The following PLXNC1 variants were observed in gnomAD, a reference collection of about 807,000 sequenced individuals.
The protein encoded by PLXNC1 is plexin C1, also known as plexin-C1.
In PLXNC1, 75 loss-of-function variants were observed where a neutral mutation model predicts 178.2. The ratio of observed to expected loss-of-function variants is 0.42; its 90% CI spans 0.35 to 0.51. The LOEUF is 0.51. Ranked by LOEUF, PLXNC1 falls within the 20% of genes least tolerant of loss-of-function variation. The pLI is 0.02. For missense variants in PLXNC1, 1,503 were observed against 1,984.4 expected (o/e 0.76, Z 4.61); for synonymous variants, 790 against 779.9 (o/e 1.01, Z -0.22).
At position 94,307,118 on chromosome 12, in the gene PLXNC1, C is replaced by T. The variant is rs2096860595; in HGVS notation, c.*1833C>T. 6.6e-6 allele frequency: 1 copy of T among 152,226 alleles called. No individual in the cohort carries two copies. Among genetic ancestry groups the T allele is most frequent in the South Asian group, 2.1e-4 (1 of 4,836 alleles). 9.4% of individuals were successfully genotyped at this position (152,226 alleles called of 1,614,324 possible). On this transcript the variant is annotated 3_prime_UTR_variant, in exon 31 of 31. Transcript: ENST00000258526. ...TTATCTAAGTATTTACTAAATGCTA[C>T]ATGAGGGTGTCCCTGTCCAGCTTTC... is the stretch of plus-strand genomic sequence containing the variant.
chr12:94,258,208 C>G (rs1406223732), intron 17 of PLXNC1, among the ~76,000 whole-genome samples: 1 of 152,198 alleles, frequency 6.6e-6, no homozygotes, highest in Non-Finnish European at 1.5e-5. Flanking sequence ...CAACCTGTTT[C>G]TCCTGTCTAT....
chr12:94,293,082 A>C, intron 23 of PLXNC1, among the ~76,000 whole-genome samples: 1 of 152,194 alleles, frequency 6.6e-6, no homozygotes, highest in Admixed American at 6.5e-5. Flanking sequence ...ATGTAAATGG[A>C]ATCAGTCAGT....
intron 24 of PLXNC1, 25 bp from the exon 25 acceptor site, chr12:94,297,164 C>T: frequency 1.2e-6 from 2 of 1,612,884 alleles, no homozygotes; most frequent in Non-Finnish European, 1.7e-6. Flanking sequence ...GGACTGCTTT[C>T]TCTCCCTCTT....
At chr12:94,302,635 A>T (rs1410260692) in intron 28 of PLXNC1, among the ~76,000 whole-genome samples, 2 of 152,216 alleles carry the variant, frequency 1.3e-5, no homozygotes, top group African/African-American at 4.8e-5. Flanking sequence ...GGTAGTTATT[A>T]TTACCCTCAT....
intron 23 of PLXNC1, among the ~76,000 whole-genome samples, chr12:94,287,299 C>T (rs954127377): frequency 2.6e-5 from 4 of 152,310 alleles, no homozygotes; most frequent in South Asian, 2.1e-4. Context: ...ATTCTGTGTG[C>T]GTTGACTATG....
chr12:94,183,950 A>G (rs1962416853), intron 3 of PLXNC1, among the ~76,000 whole-genome samples: 1 of 152,220 alleles, frequency 6.6e-6, no homozygotes, highest in Non-Finnish European at 1.5e-5. Context: ...GCTCTTGGGG[A>G]GATAAGAACA....
intron 2 of PLXNC1, among the ~76,000 whole-genome samples, chr12:94,176,903 G>A (rs1962068915): frequency 1.3e-5 from 2 of 151,328 alleles, no homozygotes; most frequent in Non-Finnish European, 2.9e-5. Flanking sequence ...ATAACACAAA[G>A]AGCTTTCTAA....
intron 4 of PLXNC1, among the ~76,000 whole-genome samples, chr12:94,194,435 T>G (rs1435198121): frequency 6.6e-6 from 1 of 152,196 alleles, no homozygotes; most frequent in African/African-American, 2.4e-5. Context: ...TTCTATAAAG[T>G]GGCATTTATA....
At chr12:94,304,233 C>G (rs1968779170) in intron 30 of PLXNC1, 182 bp downstream of exon 30, 3 of 503,302 alleles carry the variant, frequency 6.0e-6, no homozygotes, top group Non-Finnish European at 1.1e-5. Context: ...GCCCCCCTTA[C>G]AGTTTTATCA....
At position 94,248,347 on chromosome 12, in the gene PLXNC1, A is replaced by G. The variant is rs756081531; in HGVS notation, c.2713A>G (p.Ile905Val). Residue 905 changes from isoleucine to valine, a missense_variant, in exon 14 of 31, where the codon ATC becomes GTC. Transcript: ENST00000258526. ...NITRNQDLTT[I>V]LCKIKGIKTA... ...TACTAGAAATCAAGATCTTACCACC[A>G]TCCTTTGCAAAATTAAAGGCATCAA... 6.2e-7 allele frequency: 1 copy of G among 1,613,618 alleles called. No homozygotes were observed. Among genetic ancestry groups the G allele is most frequent in the Non-Finnish European group, 8.5e-7 (1 of 1,179,856 alleles).
At chr12:94,202,685 T>G (rs1394209746) in intron 4 of PLXNC1, among the ~76,000 whole-genome samples, 1 of 152,060 alleles carries the variant, frequency 6.6e-6, no homozygotes. Flanking sequence ...CCTGGCCTGT[T>G]TGCCCTGTAT....
At chr12:94,158,826 G>A (rs1449893721) in intron 1 of PLXNC1, among the ~76,000 whole-genome samples, 1 of 152,098 alleles carries the variant, frequency 6.6e-6, no homozygotes, top group Non-Finnish European at 1.5e-5. Flanking sequence ...CCAAGCGCTG[G>A]GAACATGGGA....
Position 94,282,417 on chromosome 12 carries a change from G to A in PLXNC1, c.3879+16G>A, listed in dbSNP as rs758654099. ...CCACTATGAGGTAAGAGCAAGACTT[G>A]ACCCCGTGTCTCCTTCCTCATCCCC... On this transcript the variant is annotated intron_variant, in intron 23 of 30. Coordinates refer to ENST00000258526, the MANE Select transcript of PLXNC1 (RefSeq NM_005761.3). 7.2e-6 allele frequency: 11 copies of A among 1,523,346 alleles called. No individual in the cohort carries two copies. Among genetic ancestry groups the A allele is most frequent in the Non-Finnish European group, 8.2e-6 (9 of 1,098,116 alleles). The allele number at this position is 1,523,346 out of a possible 1,614,324, so 94.4% of individuals were successfully genotyped here. A position where few individuals can be genotyped will look rare whatever the true frequency, so the allele number is the denominator to read the frequency against.
intron 9 of PLXNC1, 76 bp downstream of exon 9, chr12:94,227,311 G>C: frequency 2.4e-6 from 2 of 820,816 alleles, no homozygotes; most frequent in South Asian, 3.1e-5. Context: ...TACTACTTTG[G>C]GTTCCTTAAA....
At chr12:94,285,433 C>T (rs1966778604) in intron 23 of PLXNC1, among the ~76,000 whole-genome samples, 2 of 152,160 alleles carry the variant, frequency 1.3e-5, no homozygotes, top group South Asian at 4.1e-4. Context: ...AGGTGCTGCC[C>T]CTGTGGCATT....
chr12:94,292,106 A>AAT (rs1473566959), intron 23 of PLXNC1, among the ~76,000 whole-genome samples: 4 of 152,200 alleles, frequency 2.6e-5, no homozygotes, highest in African/African-American at 9.7e-5. Context: ...ATACTACATG[A>AAT]ACTAACACAT....
At chr12:94,177,157 A>ATG (rs1962095364) in intron 2 of PLXNC1, among the ~76,000 whole-genome samples, 1 of 49,036 alleles carries the variant, frequency 2.0e-5, no homozygotes, top group Non-Finnish European at 3.3e-5. Flanking sequence ...GTGTATATAT[A>ATG]TATGTATATA....
At chr12:94,158,566 C>T (rs942137130) in intron 1 of PLXNC1, among the ~76,000 whole-genome samples, 4 of 152,158 alleles carry the variant, frequency 2.6e-5, no homozygotes, top group Non-Finnish European at 4.4e-5. Context: ...GTGGCCAAGA[C>T]GGGTGGATCA....
rs143304608 is a variant in PLXNC1 at position 94,227,183 on chromosome 12, G to A, written c.1928G>A (p.Gly643Glu). ...CCAGTGGCTGTCGAGAAGACATCAG[G>A]AGGAGGAAGACCCAAGGAGAACAAG... ...QCPVAVEKTS[G>E]GGRPKENKGN... The change falls in exon 9 of 31, where the codon GGA becomes GAA. Residue 643 changes from glycine to glutamate, a missense_variant. Around this residue, in one of 4 missense-constraint regions of PLXNC1, gnomAD observed 615 missense variants for 698.6 expected, o/e 0.88. Coordinates refer to ENST00000258526, the MANE Select transcript of PLXNC1 (RefSeq NM_005761.3). 178 of 1,613,052 alleles carry A rather than the reference G, an allele frequency of 1.1e-4. 1 individual carries two copies. Among genetic ancestry groups the A allele is most frequent in the Non-Finnish European group, 1.9e-5 (22 of 1,179,126 alleles).
Sources: gnomAD v4.1 joint callset for allele counts (sites outside exome capture counted in the v4.1 genomes callset) on GRCh38, gnomAD v4.1.1 for gene constraint, gnomAD v4.1.1 regional missense constraint, MANE v1.5 for transcripts, NCBI Gene and HGNC (gene_info 2026-07-23, HGNC 2026-07-21) for gene names.